Variants in MAPK6 observed in about 807,000 individuals in gnomAD.
MAPK6 encodes mitogen-activated protein kinase 6.
Under a neutral mutation model 59.3 loss-of-function variants are expected in MAPK6, and 19 were observed. That is an observed-to-expected ratio of 0.32 (90% confidence interval 0.22 to 0.47). The LOEUF (loss-of-function observed/expected upper bound fraction) is 0.47. Among genes scored for constraint, MAPK6 ranks in the 20% least tolerant of loss-of-function variants. The pLI is 1.00. For synonymous variants in MAPK6, 316 were observed against 290.3 expected (o/e 1.09, Z -0.90); for missense variants, 724 against 847.9 (o/e 0.85, Z 1.81).
intron 1 of MAPK6, among the ~76,000 whole-genome samples, chr15:51,977,367 G>A (rs925952674): frequency 6.6e-6 from 1 of 151,688 alleles, no homozygotes; most frequent in Non-Finnish European, 1.5e-5. Flanking sequence ...AATGGTATCC[G>A]AAGGAAACTA....
rs2032399714 is a variant in MAPK6 at position 52,065,795 on chromosome 15, TATA to T, written c.*798_*800del. 1 of 152,702 alleles carries T rather than the reference TATA, an allele frequency of 6.5e-6. No homozygotes were observed. The highest frequency in any genetic ancestry group is 1.5e-5 in the Non-Finnish European group (1 of 68,046). The allele number at this position is 152,702 out of a possible 1,614,324, so 9.5% of individuals were successfully genotyped here. ...GGTTTGTTGCCTACCTAGCTGCATC[TATA>T]ATGTCAGCTTATCCTAAGGCTGTCC... On this transcript the variant is annotated 3_prime_UTR_variant, in exon 6 of 6. Coordinates refer to ENST00000261845, the MANE Select transcript of MAPK6 (RefSeq NM_002748.4).
At chr15:52,016,102 ACACAC>A (rs1249906791), upstream of MAPK6, among the ~76,000 whole-genome samples, 11 of 144,384 alleles carry the variant, frequency 7.6e-5, no homozygotes, top group African/African-American at 2.8e-4. Flanking sequence ...ACACACACAC[ACACAC>A]AAACTAAAAC....
intron 1 of MAPK6, chr15:52,021,447 A>G (rs1187411038): frequency 1.4e-5 from 2 of 144,134 alleles, no homozygotes; most frequent in Non-Finnish European, 1.5e-5. Flanking sequence ...ATTCTCTCTC[A>G]TTTTTTCTGA....
At chr15:51,981,464 T>A (rs2057173091) in intron 1 of MAPK6, among the ~76,000 whole-genome samples, 1 of 141,302 alleles carries the variant, frequency 7.1e-6, no homozygotes, top group South Asian at 2.2e-4. Context: ...AGAGCGAGAC[T>A]CCGTCTCAAA....
Position 52,066,763 on chromosome 15 carries a change from CGTGTGTGTGTGTGTGTGT to C in MAPK6, c.*1776_*1793del, listed in dbSNP as rs3222636. The C allele has an allele frequency of 6.7e-6, 1 of 148,858 alleles. No individual in the cohort carries two copies. The highest frequency in any genetic ancestry group is 1.5e-5 in the Non-Finnish European group (1 of 66,998). 9.2% of individuals were successfully genotyped at this position (148,858 alleles called of 1,614,324 possible). A position where few individuals can be genotyped will look rare whatever the true frequency, so the allele number is the denominator to read the frequency against. On this transcript the variant is annotated 3_prime_UTR_variant, in exon 6 of 6. Transcript: ENST00000261845. ...GGATTCACAAAGCCATATATATACACGTGTGTGTGTGTGTGTGTGTGTGTGTGTGTATATATATTCATT... is the reference window on the plus strand; with the variant it reads ...GGATTCACAAAGCCATATATATACACGTGTGTGTGTGTATATATATTCATT...
intron 2 of MAPK6, among the ~76,000 whole-genome samples, chr15:51,994,550 A>C (rs2057219356): frequency 6.6e-6 from 1 of 152,124 alleles, no homozygotes; most frequent in Non-Finnish European, 1.5e-5. Flanking sequence ...TATCTAAAAA[A>C]AAGATTTTTT....
chr15:51,985,296 T>A (rs1166029880), intron 2 of MAPK6, among the ~76,000 whole-genome samples: 1 of 151,590 alleles, frequency 6.6e-6, no homozygotes, highest in Non-Finnish European at 1.5e-5. Flanking sequence ...TGAGCCACAA[T>A]CACACAACTG....
intron 1 of MAPK6, among the ~76,000 whole-genome samples, chr15:52,043,105 C>T (rs2031478635): frequency 6.6e-6 from 1 of 152,004 alleles, no homozygotes; most frequent in African/African-American, 2.4e-5. Flanking sequence ...ACACTCTGGC[C>T]TGGATGACAG....
intron 4 of MAPK6, among the ~76,000 whole-genome samples, chr15:52,060,697 A>G (rs2032165522): frequency 6.6e-6 from 1 of 152,176 alleles, no homozygotes; most frequent in Non-Finnish European, 1.5e-5. Flanking sequence ...TTTGTGGTTA[A>G]CCAGAGTCCT....
At chr15:52,032,126 G>T (rs924278792) in intron 1 of MAPK6, among the ~76,000 whole-genome samples, 1 of 151,414 alleles carries the variant, frequency 6.6e-6, no homozygotes, top group Non-Finnish European at 1.5e-5. Flanking sequence ...CGCCTGCCTC[G>T]GCCTCCCAAA....
At chr15:52,034,993 C>T (rs764343011) in intron 1 of MAPK6, among the ~76,000 whole-genome samples, 3 of 152,294 alleles carry the variant, frequency 2.0e-5, no homozygotes, top group Middle Eastern at 3.4e-3. Flanking sequence ...TGAGCCACTG[C>T]GCCTGGCCTT....
chr15:51,984,686 C>CA (rs1555395044), intron 2 of MAPK6, among the ~76,000 whole-genome samples: 1 of 151,430 alleles, frequency 6.6e-6, no homozygotes, highest in Non-Finnish European at 1.5e-5. Flanking sequence ...ACCAGTTCTC[C>CA]GGGGGGGAAG....
chr15:52,004,094 A>G (rs1338125724), intron 2 of MAPK6: 1 of 151,992 alleles, frequency 6.6e-6, no homozygotes, highest in Non-Finnish European at 1.5e-5. Flanking sequence ...GTCTGTGGAG[A>G]TGTGAGTCTT....
upstream of MAPK6, chr15:52,018,974 T>G (rs1161070899): frequency 6.6e-6 from 1 of 152,342 alleles, no homozygotes; most frequent in Non-Finnish European, 1.5e-5. Context: ...GTTCCCTTAA[T>G]GCCAGGGCAG....
At chr15:51,998,308 G>C in intron 2 of MAPK6, among the ~76,000 whole-genome samples, 3 of 151,300 alleles carry the variant, frequency 2.0e-5, no homozygotes, top group Admixed American at 2.0e-4. Flanking sequence ...GAGTTCAAGT[G>C]ATTTTTGTGC....
At chr15:52,039,303 T>C (rs1179106153) in intron 1 of MAPK6, among the ~76,000 whole-genome samples, 1 of 152,182 alleles carries the variant, frequency 6.6e-6, no homozygotes, top group Non-Finnish European at 1.5e-5. Context: ...TTACTAGTTG[T>C]AATCTGGTTA....
At chr15:52,035,305 C>T (rs4775995) in intron 1 of MAPK6, among the ~76,000 whole-genome samples, 8,302 of 152,248 alleles carry the variant, frequency 0.055, 438 homozygotes, top group African/African-American at 0.13. Flanking sequence ...GGGATTCTCT[C>T]TGCTTTTCTG....
chr15:51,991,228 T>A (rs1475019561), intron 2 of MAPK6, among the ~76,000 whole-genome samples: 1 of 152,106 alleles, frequency 6.6e-6, no homozygotes, highest in Admixed American at 6.6e-5. Flanking sequence ...TATATGTGTA[T>A]ATATGTGTGT....
chr15:51,975,213 T>C (rs1022605901), intron 1 of MAPK6, among the ~76,000 whole-genome samples: 1 of 151,850 alleles, frequency 6.6e-6, no homozygotes, highest in African/African-American at 2.4e-5. Context: ...ATACAATTAA[T>C]GTATCATCAC....
Sources: gnomAD v4.1 joint callset for allele counts (sites outside exome capture counted in the v4.1 genomes callset) on GRCh38, gnomAD v4.1.1 for gene constraint, MANE v1.5 for transcripts, NCBI Gene and HGNC (gene_info 2026-07-23, HGNC 2026-07-21) for gene names.